Variants in IYD observed in about 807,000 individuals in gnomAD.
IYD encodes the protein iodotyrosine deiodinase 1.
A neutral mutation model predicts 28.4 loss-of-function variants in IYD; 25 were observed. The ratio of observed to expected loss-of-function variants is 0.88; its 90% confidence interval spans 0.64 to 1.23. IYD has a LOEUF of 1.23. Among genes scored for constraint, IYD ranks in the 50% most tolerant of loss-of-function variants. The pLI, the probability that IYD is intolerant of heterozygous loss-of-function variation, is 0.00. For missense variants in IYD, 352 were observed against 357.9 expected, an observed-to-expected ratio of 0.98 and a Z score of 0.13; for synonymous variants, 140 against 130.8, an observed-to-expected ratio of 1.07 and a Z score of -0.48.
At chr6:150,398,011 T>C (rs761487330) in intron 4 of IYD, 44 bp from the exon 5 acceptor site, 2 of 1,567,404 alleles carry the variant, frequency 1.3e-6, no homozygotes. Context: ...GAGCAGTCAT[T>C]CTGCCTGCTG....
intron 4 of IYD, 43 bp downstream of exon 4, chr6:150,394,298 C>T (rs1778232773): frequency 1.9e-6 from 3 of 1,607,808 alleles, no homozygotes; most frequent in Middle Eastern, 3.3e-4. Flanking sequence ...CTTATTAGAA[C>T]ATTTCAGCTG....
intron 1 of IYD, among the ~76,000 whole-genome samples, chr6:150,370,306 T>C (rs960945951): frequency 5.3e-5 from 8 of 151,342 alleles, no homozygotes; most frequent in African/African-American, 2.0e-4. Context: ...TGTGTGTGCA[T>C]GAGTGTGTGT....
chr6:150,389,073 T>C (rs1216474040), intron 1 of IYD, among the ~76,000 whole-genome samples: 1 of 152,146 alleles, frequency 6.6e-6, no homozygotes, highest in African/African-American at 2.4e-5. Context: ...GGTGTGATGA[T>C]AGCTCACTGC....
At chr6:150,394,566 G>T (rs1332668074) in intron 4 of IYD, among the ~76,000 whole-genome samples, 1 of 152,136 alleles carries the variant, frequency 6.6e-6, no homozygotes, top group Admixed American at 6.5e-5. Context: ...AGTCACAGAG[G>T]CTAACTCCCT....
intron 1 of IYD, among the ~76,000 whole-genome samples, chr6:150,374,357 G>A (rs1219298169): frequency 6.6e-6 from 1 of 152,138 alleles, no homozygotes; most frequent in Non-Finnish European, 1.5e-5. Flanking sequence ...GGTCTAACGT[G>A]GTCTAATGGC....
In IYD at chr6:150,401,750, A is replaced by G. The variant is rs1440161494; in HGVS notation, c.*3513A>G. Reference sequence around the variant, plus strand: ...GTTCTGAGGCCTTAAAACCAAAAAAATAATGGAATGATTGCATCACTGCGA... The same window carrying G: ...GTTCTGAGGCCTTAAAACCAAAAAAGTAATGGAATGATTGCATCACTGCGA... On this transcript the variant is annotated 3_prime_UTR_variant, in exon 5 of 5. Coordinates refer to ENST00000344419, the MANE Select transcript of IYD (RefSeq NM_203395.3). 1 of 152,252 alleles carries G rather than the reference A, an allele frequency of 6.6e-6. No homozygotes were observed. The highest frequency in any genetic ancestry group is 1.5e-5 in the Non-Finnish European group (1 of 68,050). The allele number at this position is 152,252 out of a possible 1,614,324, so 9.4% of individuals were successfully genotyped here.
At chr6:150,376,216 G>A (rs1164640419) in intron 1 of IYD, among the ~76,000 whole-genome samples, 4 of 152,110 alleles carry the variant, frequency 2.6e-5, no homozygotes, top group Non-Finnish European at 2.9e-5. Context: ...TCCTGCTAGC[G>A]AAATATGAAA....
rs1778471053 is a variant in IYD at position 150,400,284 on chromosome 6, T to C, written c.*2047T>C. The C allele has an allele frequency of 6.6e-6, 1 of 152,220 alleles. No homozygotes were observed. The highest frequency in any genetic ancestry group is 2.4e-5 in the African/African-American group (1 of 41,458). 9.4% of individuals were successfully genotyped at this position (152,220 alleles called of 1,614,324 possible). ...GCCAGGTTATTTACTTCTGAAGCAT[T>C]GGAGTTATCGATTGCCATTGCCCCA... On this transcript the variant is annotated 3_prime_UTR_variant, in exon 5 of 5. Coordinates refer to ENST00000344419, the MANE Select transcript of IYD (RefSeq NM_203395.3).
chr6:150,374,425 C>T (rs1053970740), intron 1 of IYD, among the ~76,000 whole-genome samples: 1 of 152,184 alleles, frequency 6.6e-6, no homozygotes, highest in East Asian at 1.9e-4. Context: ...TAAAGACATA[C>T]CTGAGACTCA....
intron 1 of IYD, among the ~76,000 whole-genome samples, chr6:150,382,380 C>T (rs1777676761): frequency 6.6e-6 from 1 of 152,170 alleles, no homozygotes; most frequent in South Asian, 2.1e-4. Context: ...ACATTCCACA[C>T]ACGACTCAGT....
At chr6:150,371,158 C>G (rs1265426732) in intron 1 of IYD, among the ~76,000 whole-genome samples, 1 of 152,182 alleles carries the variant, frequency 6.6e-6, no homozygotes, top group Non-Finnish European at 1.5e-5. Context: ...GCTCTGGGAT[C>G]ATAACAGTAA....
At position 150,398,272 on chromosome 6, in the gene IYD, G is replaced by C; in HGVS notation, c.*35G>C. The C allele has an allele frequency of 6.2e-7, 1 of 1,601,606 alleles. No homozygotes were observed. Among genetic ancestry groups the C allele is most frequent in the Non-Finnish European group, 8.5e-7 (1 of 1,169,702 alleles). On this transcript the variant is annotated 3_prime_UTR_variant, in exon 5 of 5. Coordinates refer to ENST00000344419, the MANE Select transcript of IYD (RefSeq NM_203395.3). ...CCCAAGGGAGTGGCAGGGAGATGGC[G>C]CCCCTGCTTTTCCCTGAGCCTCTCG...
At chr6:150,387,970 A>G (rs1395659982) in intron 1 of IYD, among the ~76,000 whole-genome samples, 1 of 151,714 alleles carries the variant, frequency 6.6e-6, no homozygotes, top group Non-Finnish European at 1.5e-5. Context: ...CAGTATTTGG[A>G]GTCTTTGGGC....
At chr6:150,379,468 G>T (rs1056879754) in intron 1 of IYD, among the ~76,000 whole-genome samples, 3 of 152,104 alleles carry the variant, frequency 2.0e-5, no homozygotes, top group Non-Finnish European at 4.4e-5. Context: ...ATCACTTTGT[G>T]TCCTCCCTCT....
At chr6:150,376,169 C>G (rs1777437055) in intron 1 of IYD, among the ~76,000 whole-genome samples, 1 of 152,162 alleles carries the variant, frequency 6.6e-6, no homozygotes, top group South Asian at 2.1e-4. Context: ...CATCTACTTC[C>G]TTCTAACTAA....
chr6:150,380,727 TTATC>T (rs1777616814), intron 1 of IYD, among the ~76,000 whole-genome samples: 3 of 137,128 alleles, frequency 2.2e-5, no homozygotes. Context: ...TCACACCAAT[TTATC>T]TGTGGAAATC....
chr6:150,376,978 G>C (rs1245394188), intron 1 of IYD, among the ~76,000 whole-genome samples: 1 of 152,080 alleles, frequency 6.6e-6, no homozygotes, highest in Admixed American at 6.6e-5. Context: ...ATTCCAGAAA[G>C]AGTCTCTCTC....
intron 1 of IYD, among the ~76,000 whole-genome samples, chr6:150,373,797 G>T (rs1282963888): frequency 6.6e-6 from 1 of 152,126 alleles, no homozygotes; most frequent in African/African-American, 2.4e-5. Context: ...CAACATAGTT[G>T]TCTTTTACTA....
Position 150,392,237 on chromosome 6 carries a change from G to T in IYD, c.371-108G>T, listed in dbSNP as rs73617678. The T allele has an allele frequency of 3.1e-3, 4,923 of 1,580,544 alleles. 137 individuals carry two copies. The African/African-American group carries it at 0.059, about 19-fold the overall frequency. On this transcript the variant is annotated intron_variant, in intron 2 of 4. Transcript: ENST00000344419. ...CTGCAAAATTTTGTTTGATCCTCCAGCTCCAGCCTCCCAAAGTGCTTGGAC... is the reference window on the plus strand; with the variant it reads ...CTGCAAAATTTTGTTTGATCCTCCATCTCCAGCCTCCCAAAGTGCTTGGAC...
Sources: gnomAD v4.1 joint callset for allele counts (sites outside exome capture counted in the v4.1 genomes callset) on GRCh38, gnomAD v4.1.1 for gene constraint, MANE v1.5 for transcripts, NCBI Gene and HGNC (gene_info 2026-07-23, HGNC 2026-07-21) for gene names.